POLA1: variants seen among roughly 807,000 people sequenced by gnomAD.
The protein encoded by POLA1 is DNA polymerase alpha catalytic subunit.
POLA1 carries 15 observed loss-of-function variants against 124.0 expected under a neutral mutation model. The ratio of observed to expected loss-of-function variants is 0.12; its 90% confidence interval spans 0.08 to 0.19. The LOEUF (loss-of-function observed/expected upper bound fraction) is 0.19, where lower values mean the gene tolerates loss of function less well. Among genes scored for constraint, POLA1 ranks in the 10% least tolerant of loss-of-function variants. The pLI is 1.00. For synonymous variants in POLA1, 408 were observed against 389.4 expected (o/e 1.05, Z -0.56); for missense variants, 886 against 1,103.4 (o/e 0.80, Z 2.79).
chrX:24,764,645 A>T (rs749281984), intron 26 of POLA1, among the ~76,000 whole-genome samples: 1 of 112,340 alleles, frequency 8.9e-6, no homozygotes, highest in African/African-American at 3.2e-5. Flanking sequence ...AGCAACATGT[A>T]GTAGAATGCT....
chrX:24,912,535 TA>T (rs910135652), intron 35 of POLA1, among the ~76,000 whole-genome samples: 2 of 109,327 alleles, frequency 1.8e-5, no homozygotes, highest in East Asian at 2.8e-4. Flanking sequence ...CAATCCAATT[TA>T]AAAAAAAACA....
At chrX:24,711,944 C>G (rs1194736366) in intron 4 of POLA1, among the ~76,000 whole-genome samples, 3 of 112,162 alleles carry the variant, frequency 2.7e-5, no homozygotes, top group African/African-American at 9.7e-5. Context: ...TTTATAGGAG[C>G]TGTCCCATTT....
At chrX:24,861,968 A>G (rs753679352) in intron 34 of POLA1, among the ~76,000 whole-genome samples, 3 of 112,017 alleles carry the variant, frequency 2.7e-5, no homozygotes, top group Non-Finnish European at 3.8e-5. Context: ...TGCTGGCTAT[A>G]TGCACACTTT....
intron 26 of POLA1, among the ~76,000 whole-genome samples, chrX:24,765,500 T>C (rs1320810974): frequency 9.1e-6 from 1 of 109,676 alleles, no homozygotes; most frequent in East Asian, 2.9e-4. Flanking sequence ...TTCGCCGTGG[T>C]TGGCCGTGCT....
chrX:24,733,371 A>G (rs1011675398), intron 16 of POLA1, among the ~76,000 whole-genome samples: 4 of 112,399 alleles, frequency 3.6e-5, no homozygotes, highest in African/African-American at 1.3e-4. Context: ...AGGAACTTAC[A>G]GTGTGTAATA....
intron 6 of POLA1, among the ~76,000 whole-genome samples, chrX:24,715,575 T>A (rs1929773552): frequency 8.9e-6 from 1 of 112,368 alleles, no homozygotes; most frequent in Admixed American, 9.4e-5. Context: ...ATTACAGGCG[T>A]GAGCCACTGT....
chrX:24,717,314 CAGA>C lies in POLA1; in HGVS notation c.738_740del (p.Glu247del). 1 of 1,209,376 alleles carries C rather than the reference CAGA, an allele frequency of 8.3e-7. No homozygotes were observed. The highest frequency in any genetic ancestry group is 3.0e-5 in the East Asian group (1 of 33,805). On this transcript the variant is annotated inframe_deletion, in exon 9 of 37. Transcript: ENST00000379068. ...GGCGATGATGTACAGGTCGAGAGTA[CAGA>C]AGAAGAGCAGGAGTCAGGGGCAATG...
intron 26 of POLA1, among the ~76,000 whole-genome samples, chrX:24,761,871 C>G (rs761653568): frequency 9.0e-6 from 1 of 111,657 alleles, no homozygotes; most frequent in Non-Finnish European, 1.9e-5. Context: ...GGAAAGCCTT[C>G]GGTAATGATT....
At chrX:24,935,344 A>G in intron 36 of POLA1, among the ~76,000 whole-genome samples, 1 of 112,703 alleles carries the variant, frequency 8.9e-6, no homozygotes, top group East Asian at 2.8e-4. Flanking sequence ...GAACACTAGG[A>G]TGTAGAATTC....
At chrX:24,736,915 T>G (rs1310398955) in intron 18 of POLA1, among the ~76,000 whole-genome samples, 2 of 112,303 alleles carry the variant, frequency 1.8e-5, no homozygotes, top group Non-Finnish European at 3.8e-5. Context: ...AACAAGTATA[T>G]TTATTGATGT....
intron 36 of POLA1, among the ~76,000 whole-genome samples, chrX:24,980,390 T>G (rs1368701101): frequency 1.8e-5 from 2 of 112,036 alleles, no homozygotes; most frequent in Non-Finnish European, 3.8e-5. Flanking sequence ...AGGCACAGAA[T>G]TACACCCAGG....
chrX:24,936,675 GCA>G (rs2047852376), intron 36 of POLA1, among the ~76,000 whole-genome samples: 1 of 111,398 alleles, frequency 9.0e-6, no homozygotes, highest in African/African-American at 3.3e-5. Context: ...GGGACTACAG[GCA>G]TCTGCCACCA....
rs769723491 is a variant in POLA1, at chrX:24,856,023, A to C, written c.4047+12346A>C. ...TAAAAAGATAACTTTCCTATATTCA[A>C]ATATGCATCCATTTTAACCTACTCA... On this transcript the variant is annotated intron_variant, in intron 34 of 36. Coordinates refer to ENST00000379068, the MANE Select transcript of POLA1 (RefSeq NM_001330360.2). 3.8e-4 allele frequency among the ~76,000 whole-genome samples: 43 copies of C among 112,334 alleles called. No individual in the cohort carries two copies. In the South Asian group the frequency reaches 0.015, roughly 40 times the overall value.
intron 32 of POLA1, among the ~76,000 whole-genome samples, chrX:24,838,276 CA>C (rs746539933): frequency 5.4e-5 from 6 of 111,834 alleles, no homozygotes; most frequent in Non-Finnish European, 9.4e-5. Flanking sequence ...TTATAAATGA[CA>C]GTATTTTAAT....
intron 31 of POLA1, among the ~76,000 whole-genome samples, chrX:24,822,769 T>C (rs1180724156): frequency 8.9e-6 from 1 of 112,223 alleles, no homozygotes; most frequent in African/African-American, 3.2e-5. Context: ...TTTCATATTA[T>C]GCAAATAAAG....
intron 7 of POLA1, 99 bp downstream of exon 7, chrX:24,716,553 T>C (rs773518077): frequency 8.8e-5 from 44 of 497,619 alleles, no homozygotes; most frequent in Admixed American, 3.2e-4. Flanking sequence ...ACATTTGTTT[T>C]TGATTTTTGT....
intron 36 of POLA1, among the ~76,000 whole-genome samples, chrX:24,964,365 T>G (rs1409976808): frequency 8.9e-6 from 1 of 112,809 alleles, no homozygotes; most frequent in Non-Finnish European, 1.9e-5. Flanking sequence ...TAAAAATGTT[T>G]TTATGACAAA....
At chrX:24,769,753 AT>A (rs1380082670) in intron 26 of POLA1, among the ~76,000 whole-genome samples, 30 of 111,818 alleles carry the variant, frequency 2.7e-4, no homozygotes, top group African/African-American at 9.4e-4. Context: ...AAAACATAAA[AT>A]AGCACTCAGG....
At chrX:24,786,137 A>G (rs1289503026) in intron 26 of POLA1, among the ~76,000 whole-genome samples, 1 of 112,261 alleles carries the variant, frequency 8.9e-6, no homozygotes, top group African/African-American at 3.2e-5. Context: ...GGTTGTTTCC[A>G]TATCTTGGCC....
Sources: allele counts gnomAD v4.1 joint callset (sites outside exome capture counted in the v4.1 genomes callset), GRCh38; gene constraint gnomAD v4.1.1; transcripts MANE v1.5; gene names NCBI Gene and HGNC (gene_info 2026-07-23, HGNC 2026-07-21).